Variants in RTN1 observed in about 807,000 individuals in gnomAD.
RTN1 encodes reticulon 1, also known as reticulon-1.
In RTN1, 25 loss-of-function variants were observed where a neutral mutation model predicts 65.5. The observed-to-expected ratio is 0.38, with a 90% CI of 0.28 to 0.53. The LOEUF (loss-of-function observed/expected upper bound fraction) is 0.53. Ranked by LOEUF, RTN1 falls within the 20% of genes least tolerant of loss-of-function variation. The pLI, the probability that RTN1 is intolerant of heterozygous loss-of-function variation, is 0.79. For synonymous variants in RTN1, 471 were observed against 447.6 expected, an observed-to-expected ratio of 1.05 and a Z score of -0.66; for missense variants, 983 against 1,025.4, an observed-to-expected ratio of 0.96 and a Z score of 0.57.
chr14:59,824,008 G>T (rs1240004854), intron 1 of RTN1, among the ~76,000 whole-genome samples: 6 of 152,032 alleles, frequency 3.9e-5, no homozygotes, highest in Non-Finnish European at 8.8e-5. Flanking sequence ...TTTCTTTCTT[G>T]TATGTCATTT....
intron 3 of RTN1, among the ~76,000 whole-genome samples, chr14:59,615,828 T>C (rs1011886067): frequency 1.3e-5 from 2 of 152,202 alleles, no homozygotes; most frequent in Non-Finnish European, 2.9e-5. Flanking sequence ...ATAGATTTAT[T>C]TGGCCTCATG....
chr14:59,728,450 C>A (rs1884831179), intron 2 of RTN1, among the ~76,000 whole-genome samples: 1 of 151,910 alleles, frequency 6.6e-6, no homozygotes, highest in Non-Finnish European at 1.5e-5. Context: ...GAGAGTCACT[C>A]CTGGTCCCTG....
At position 59,790,663 on chromosome 14, in the gene RTN1, CT is replaced by C. The variant is rs1594744484; in HGVS notation, c.242-44183del. ...AAATTTTCCTAGCACAAAGTTTACT[CT>C]TTTGATGTGTAAAATCAGTTACTTC... is the stretch of plus-strand genomic sequence containing the variant. On this transcript the variant is annotated intron_variant, in intron 1 of 8. Transcript: ENST00000267484. The surrounding 1 kb of genome is among the most constrained non-coding windows in gnomAD (Gnocchi z 4.1). Among the ~76,000 whole-genome samples the C allele has an allele frequency of 6.6e-6, 1 of 152,106 alleles. No homozygotes were observed. The highest frequency in any genetic ancestry group is 1.9e-4 in the East Asian group (1 of 5,192).
At chr14:59,638,058 G>A (rs1309947537) in intron 3 of RTN1, among the ~76,000 whole-genome samples, 1 of 152,050 alleles carries the variant, frequency 6.6e-6, no homozygotes, top group African/African-American at 2.4e-5. Context: ...CACCATGTTG[G>A]CCAGGCTGGC....
At position 59,603,855 on chromosome 14, in the gene RTN1, T is replaced by C. The variant is rs1356569934; in HGVS notation, c.2179A>G (p.Met727Val). The change falls in exon 6 of 9, where the codon ATG becomes GTG. Residue 727 changes from methionine (M) to valine (V), a missense_variant. Met to Val is a conservative substitution (Grantham distance 21). Transcript: ENST00000267484. ...ALFNGLTLLL[M>V]AVVSMFTLPV... ...ATACAGTCTTATCTGCTCTTACCCA[T>C]GAGCAGCAGGGTCAGGCCATTGAAG... The C allele has an allele frequency of 1.9e-6, 3 of 1,610,150 alleles. No homozygotes were observed. The highest frequency in any genetic ancestry group is 2.5e-6 in the Non-Finnish European group (3 of 1,177,062).
intron 8 of RTN1, among the ~76,000 whole-genome samples, chr14:59,599,604 C>T (rs1043506112): frequency 4.6e-5 from 7 of 152,176 alleles, no homozygotes; most frequent in African/African-American, 1.7e-4. Context: ...CCATTTTTTT[C>T]CACAAGGACA....
intron 3 of RTN1, among the ~76,000 whole-genome samples, chr14:59,614,239 T>C (rs1882043105): frequency 6.6e-6 from 1 of 152,164 alleles, no homozygotes; most frequent in Non-Finnish European, 1.5e-5. Context: ...TATAAAATGG[T>C]ACCCTTAATT....
At chr14:59,737,284 A>C (rs1885020854) in intron 2 of RTN1, among the ~76,000 whole-genome samples, 1 of 152,216 alleles carries the variant, frequency 6.6e-6, no homozygotes, top group African/African-American at 2.4e-5. Flanking sequence ...TCAGTCCAAT[A>C]GCTTCTTAAG....
In RTN1 at chr14:59,731,332, T is replaced by C. The variant is rs911332578; in HGVS notation, c.1016-3664A>G. Among the ~76,000 whole-genome samples the C allele has an allele frequency of 2.6e-5, 4 of 152,142 alleles. 1 individual carries two copies. Among genetic ancestry groups the C allele is most frequent in the South Asian group, 4.2e-4 (2 of 4,804 alleles). On this transcript the variant is annotated intron_variant, in intron 2 of 8. Transcript: ENST00000267484. Reference sequence around the variant, plus strand: ...GAGAAAGAAAGAAGAGTAGTAGTTATGGGGAGTGGGGAGATTTGGAGGGTG... The same window carrying C: ...GAGAAAGAAAGAAGAGTAGTAGTTACGGGGAGTGGGGAGATTTGGAGGGTG...
At chr14:59,630,312 A>T in intron 3 of RTN1, 1 of 1,076,668 alleles carries the variant, frequency 9.3e-7, no homozygotes, top group Non-Finnish European at 1.4e-6. Flanking sequence ...TAAGAGGTTT[A>T]CTACCCCCCA....
intron 2 of RTN1, among the ~76,000 whole-genome samples, chr14:59,743,310 A>G (rs1287158480): frequency 6.6e-6 from 1 of 152,214 alleles, no homozygotes. Context: ...TAATTTTTAC[A>G]TGAAGCATGT....
intron 3 of RTN1, among the ~76,000 whole-genome samples, chr14:59,653,056 A>C (rs1883051567): frequency 6.6e-6 from 1 of 152,184 alleles, no homozygotes; most frequent in Non-Finnish European, 1.5e-5. Context: ...AAAATGGATT[A>C]GTCAACAGAT....
chr14:59,835,994 G>GC (rs1172697785), intron 1 of RTN1, among the ~76,000 whole-genome samples: 3 of 152,130 alleles, frequency 2.0e-5, no homozygotes, highest in African/African-American at 7.2e-5. Context: ...CTGCTTCCTT[G>GC]CCTTTTTCCA....
intron 3 of RTN1, among the ~76,000 whole-genome samples, chr14:59,689,569 A>T (rs1209855322): frequency 6.6e-6 from 1 of 152,202 alleles, no homozygotes. Flanking sequence ...AAAGGGTCAG[A>T]ACATGTATAA....
chr14:59,665,947 C>T (rs1883362086), intron 3 of RTN1, among the ~76,000 whole-genome samples: 1 of 152,084 alleles, frequency 6.6e-6, no homozygotes, highest in Admixed American at 6.5e-5. Context: ...AAAGCAAGTC[C>T]TTAGAGACCT....
At chr14:59,852,939 C>T (rs768096006) in intron 1 of RTN1, among the ~76,000 whole-genome samples, 1 of 152,080 alleles carries the variant, frequency 6.6e-6, no homozygotes, top group Non-Finnish European at 1.5e-5. Context: ...CAACTTCATA[C>T]TTTGTGTCTG....
At chr14:59,651,440 G>A (rs1883018130) in intron 3 of RTN1, among the ~76,000 whole-genome samples, 1 of 151,620 alleles carries the variant, frequency 6.6e-6, no homozygotes, top group Admixed American at 6.6e-5. Context: ...AACCCTGGAA[G>A]ACAACCTAGG....
chr14:59,789,539 A>C (rs1033396734), intron 1 of RTN1, among the ~76,000 whole-genome samples: 2 of 152,194 alleles, frequency 1.3e-5, no homozygotes, highest in African/African-American at 4.8e-5. Flanking sequence ...TGAGCTTGAA[A>C]GCCTCATTGA....
chr14:59,645,490 G>C (rs1177211808), intron 3 of RTN1, among the ~76,000 whole-genome samples: 2 of 152,036 alleles, frequency 1.3e-5, no homozygotes, highest in Non-Finnish European at 2.9e-5. Flanking sequence ...CTCCTCACTG[G>C]GCAGGTTCTC....
Sources: gnomAD v4.1 joint callset for allele counts (sites outside exome capture counted in the v4.1 genomes callset) on GRCh38, gnomAD v4.1.1 for gene constraint, Gnocchi (gnomAD v3.1) non-coding constraint, MANE v1.5 for transcripts, NCBI Gene and HGNC (gene_info 2026-07-23, HGNC 2026-07-21) for gene names.